The following CDH10 variants were observed in gnomAD, a reference collection of about 807,000 sequenced individuals.
The protein encoded by CDH10 is cadherin-10.
Under a neutral mutation model 73.1 loss-of-function variants are expected in CDH10, and 30 were observed. The observed-to-expected ratio is 0.41, with a 90% CI of 0.31 to 0.56. CDH10 has a LOEUF of 0.56. Among genes scored for constraint, CDH10 ranks in the 20% least tolerant of loss-of-function variants. The pLI is 0.27. For missense variants in CDH10, 815 were observed against 973.7 expected (o/e 0.84, Z 2.17); for synonymous variants, 345 against 348.2 (o/e 0.99, Z 0.10).
At chr5:24,503,819 C>A (rs191396919) in intron 8 of CDH10, among the ~76,000 whole-genome samples, 1 of 152,076 alleles carries the variant, frequency 6.6e-6, no homozygotes, top group Admixed American at 6.6e-5. Flanking sequence ...TAGAATGACA[C>A]CTGGCATATA....
At chr5:24,531,813 A>G (rs888938330) in intron 5 of CDH10, among the ~76,000 whole-genome samples, 1 of 152,084 alleles carries the variant, frequency 6.6e-6, no homozygotes, top group African/African-American at 2.4e-5. Context: ...ATCTCAATAA[A>G]TATTTTTATA....
intron 2 of CDH10, among the ~76,000 whole-genome samples, chr5:24,584,758 C>T (rs1415906815): frequency 1.3e-5 from 2 of 151,560 alleles, no homozygotes; most frequent in Non-Finnish European, 2.9e-5. Context: ...TGTGAGCTAC[C>T]GTGCCCGACC....
At chr5:24,554,893 A>T (rs936624520) in intron 2 of CDH10, among the ~76,000 whole-genome samples, 1 of 152,110 alleles carries the variant, frequency 6.6e-6, no homozygotes, top group Non-Finnish European at 1.5e-5. Context: ...AATATTATGT[A>T]AATTAATATT....
At chr5:24,622,785 A>C (rs1305207202) in intron 1 of CDH10, among the ~76,000 whole-genome samples, 1 of 152,224 alleles carries the variant, frequency 6.6e-6, no homozygotes, top group Non-Finnish European at 1.5e-5. Flanking sequence ...ATAGGTAGTT[A>C]GGGGAAACAA....
chr5:24,558,970 C>G (rs6867061), intron 2 of CDH10, among the ~76,000 whole-genome samples: 125,648 of 151,688 alleles, frequency 0.83, 52,078 homozygotes, highest in East Asian at 0.91. Flanking sequence ...AATTATTTTA[C>G]AGATTTTAGA....
At chr5:24,550,618 G>A (rs1400891529) in intron 2 of CDH10, among the ~76,000 whole-genome samples, 1 of 152,022 alleles carries the variant, frequency 6.6e-6, no homozygotes, top group African/African-American at 2.4e-5. Context: ...TGAGGCTGGT[G>A]TGCATCTTTT....
In CDH10 at chr5:24,599,030, T is replaced by C. The variant is rs79862426; in HGVS notation, c.-123-5417A>G. Among the ~76,000 whole-genome samples the C allele has an allele frequency of 2.7e-3, 417 of 152,184 alleles. 5 individuals carry two copies. The highest frequency in any genetic ancestry group is 9.6e-3 in the African/African-American group (399 of 41,546). On this transcript the variant is annotated intron_variant, in intron 1 of 11. Transcript: ENST00000264463. ...AGATCCCTGCTAATAGGCTAAAGAA[T>C]AGCATCCAAGAGTTCTTGCTACTCT... is the stretch of plus-strand genomic sequence containing the variant.
At chr5:24,519,718 TAGA>T (rs1743242406) in intron 5 of CDH10, among the ~76,000 whole-genome samples, 1 of 152,190 alleles carries the variant, frequency 6.6e-6, no homozygotes, top group African/African-American at 2.4e-5. Context: ...AAGTATGTGG[TAGA>T]ATAAAAACTA....
chr5:24,608,210 G>T (rs1255768977), intron 1 of CDH10, among the ~76,000 whole-genome samples: 1 of 152,124 alleles, frequency 6.6e-6, no homozygotes, highest in Non-Finnish European at 1.5e-5. Context: ...GGCAAATCGA[G>T]TCATCTTCTA....
rs185350990 is a variant in CDH10, at chr5:24,643,617, C to T, written c.-124+977G>A. ...CAGTTTTGGATAATAGAAGCTTTCA[C>T]TGGAATGAAGGAATGAAGGACCACA... is the stretch of plus-strand genomic sequence containing the variant. On this transcript the variant is annotated intron_variant, in intron 1 of 11. Coordinates refer to ENST00000264463, the MANE Select transcript of CDH10 (RefSeq NM_006727.5). Among the ~76,000 whole-genome samples the T allele has an allele frequency of 4.6e-5, 7 of 152,114 alleles. No homozygotes were observed. In the East Asian group the frequency reaches 9.7e-4, roughly 21 times the overall value.
At chr5:24,643,077 C>G (rs2112226047) in intron 1 of CDH10, among the ~76,000 whole-genome samples, 1 of 152,128 alleles carries the variant, frequency 6.6e-6, no homozygotes, top group East Asian at 1.9e-4. Flanking sequence ...GCTGTTTACA[C>G]CTGTGCACTC....
chr5:24,632,839 T>G (rs531600910), intron 1 of CDH10, among the ~76,000 whole-genome samples: 34 of 152,042 alleles, frequency 2.2e-4, no homozygotes, highest in African/African-American at 7.9e-4. Context: ...GTAATTGTGA[T>G]TAAGCTATTC....
intron 5 of CDH10, 31 bp from the exon 6 acceptor site, chr5:24,511,545 CAGAGAGAGAG>C (rs55901211): frequency 0.31 from 175,448 of 574,154 alleles, 10,056 homozygotes; most frequent in East Asian, 0.35. Context: ...AAGAGAGAGA[CAGAGAGAGAG>C]AGAGAGAGAG....
At position 24,558,046 on chromosome 5, in the gene CDH10, A is replaced by G. The variant is rs1362687160; in HGVS notation, c.232-20372T>C. ...TTTGACTATTAGAATTCCAAGTGAT[A>G]TTAAGTAAAATAAACAGGAAAAAGG... On this transcript the variant is annotated intron_variant, in intron 2 of 11. Coordinates refer to ENST00000264463, the MANE Select transcript of CDH10 (RefSeq NM_006727.5). Among the ~76,000 whole-genome samples, 4 of 151,834 alleles carry G rather than the reference A, an allele frequency of 2.6e-5. No individual in the cohort carries two copies. In the South Asian group the frequency reaches 6.2e-4, roughly 24 times the overall value.
rs371043353 is a variant in CDH10 at position 24,538,818 on chromosome 5, G to T, written c.232-1144C>A. On this transcript the variant is annotated intron_variant, in intron 2 of 11. Transcript: ENST00000264463. ...ATGGGTATACCTCCTGCCCTATATAGAATTCTTACTCTGAAAAGTAAAGCG... is the reference window on the plus strand; with the variant it reads ...ATGGGTATACCTCCTGCCCTATATATAATTCTTACTCTGAAAAGTAAAGCG... Among the ~76,000 whole-genome samples the T allele has an allele frequency of 5.3e-5, 8 of 152,016 alleles. 1 individual carries two copies. In the East Asian group the frequency reaches 1.4e-3, roughly 26 times the overall value.
At chr5:24,602,483 A>T (rs963711076) in intron 1 of CDH10, among the ~76,000 whole-genome samples, 2 of 152,158 alleles carry the variant, frequency 1.3e-5, no homozygotes, top group Non-Finnish European at 2.9e-5. Flanking sequence ...CCTTTTGTGT[A>T]TACCCGCTCT....
In CDH10 at chr5:24,599,209, G is replaced by A. The variant is rs940556247; in HGVS notation, c.-123-5596C>T. On this transcript the variant is annotated intron_variant, in intron 1 of 11. Transcript: ENST00000264463. The stretch of plus-strand genomic sequence containing the variant: ...TAGCTAGGATTTATTTCATTATGTG[G>A]AGAATGGTAGCAAGAATGCTCTGAG... Among the ~76,000 whole-genome samples, 6 of 152,120 alleles carry A rather than the reference G, an allele frequency of 3.9e-5. No individual in the cohort carries two copies. In the South Asian group the frequency reaches 8.3e-4, roughly 21 times the overall value.
Position 24,497,195 on chromosome 5 carries a change from T to G in CDH10, c.1515+1203A>C, listed in dbSNP as rs550789550. Among the ~76,000 whole-genome samples, 5 of 152,228 alleles carry G rather than the reference T, an allele frequency of 3.3e-5. No homozygotes were observed. The East Asian group carries it at 9.7e-4, about 29-fold the overall frequency. ...TGTATATTTTGAATACATTTGTAAA[T>G]CAGTATTTATAATGACTTGAGTGCT... On this transcript the variant is annotated intron_variant, in intron 9 of 11. Coordinates refer to ENST00000264463, the MANE Select transcript of CDH10 (RefSeq NM_006727.5).
At chr5:24,564,582 C>T (rs1463392325) in intron 2 of CDH10, among the ~76,000 whole-genome samples, 2 of 152,090 alleles carry the variant, frequency 1.3e-5, no homozygotes, top group Non-Finnish European at 2.9e-5. Flanking sequence ...GAGCAAGTCC[C>T]CCACGGCCCC....
Sources: allele counts gnomAD v4.1 joint callset (sites outside exome capture counted in the v4.1 genomes callset), GRCh38; gene constraint gnomAD v4.1.1; transcripts MANE v1.5; gene names NCBI Gene and HGNC (gene_info 2026-07-23, HGNC 2026-07-21).